Variants in PTPRD observed in about 807,000 individuals in gnomAD.
PTPRD encodes the protein protein tyrosine phosphatase receptor type D, also known as receptor-type tyrosine-protein phosphatase delta.
Under a neutral mutation model 214.5 loss-of-function variants are expected in PTPRD, and 34 were observed. That is an observed-to-expected ratio of 0.16 (90% confidence interval 0.12 to 0.21). PTPRD has a LOEUF of 0.21. PTPRD is among the 10% of genes least tolerant of loss of function. The pLI is 1.00. For synonymous variants in PTPRD, 1,128 were observed against 845.7 expected (o/e 1.33, Z -5.79); for missense variants, 2,545 against 2,398.7 (o/e 1.06, Z -1.27).
chr9:9,248,558 T>A (rs1017147813), intron 9 of PTPRD, among the ~76,000 whole-genome samples: 13 of 152,066 alleles, frequency 8.5e-5, no homozygotes, highest in African/African-American at 3.1e-4. Flanking sequence ...GTCTTAGAGT[T>A]TTAGAGTAAT....
chr9:8,715,434 G>A (rs756091182), intron 12 of PTPRD, among the ~76,000 whole-genome samples: 50 of 152,082 alleles, frequency 3.3e-4, no homozygotes, highest in Non-Finnish European at 6.3e-4. Context: ...ATATGCTGGC[G>A]GGCAGTAGGT....
chr9:8,970,550 C>T (rs539359677), intron 11 of PTPRD, among the ~76,000 whole-genome samples: 7 of 151,608 alleles, frequency 4.6e-5, no homozygotes, highest in Admixed American at 2.0e-4. Flanking sequence ...TTCTATGAGA[C>T]AGCAAAAAGA....
chr9:8,801,388 T>G (rs1251865552), intron 11 of PTPRD, among the ~76,000 whole-genome samples: 1 of 152,180 alleles, frequency 6.6e-6, no homozygotes, highest in Admixed American at 6.5e-5. Context: ...TGAATACATT[T>G]TAATCATTTT....
At chr9:9,847,654 T>C (rs1445814152) in intron 5 of PTPRD, among the ~76,000 whole-genome samples, 2 of 152,130 alleles carry the variant, frequency 1.3e-5, no homozygotes, top group Non-Finnish European at 1.5e-5. Flanking sequence ...TTCCTTCTGT[T>C]TCTGTGGTAG....
intron 3 of PTPRD, among the ~76,000 whole-genome samples, chr9:10,281,555 T>A (rs891424166): frequency 1.3e-5 from 2 of 152,178 alleles, no homozygotes; most frequent in Non-Finnish European, 2.9e-5. Context: ...GCATTTTAAT[T>A]TTTTTACTTT....
intron 2 of PTPRD, among the ~76,000 whole-genome samples, chr9:10,604,973 A>G (rs1383046562): frequency 4.0e-5 from 6 of 151,852 alleles, no homozygotes; most frequent in Admixed American, 2.0e-4. Context: ...CAGGGGGAAT[A>G]AAAAAGGAAA....
intron 3 of PTPRD, among the ~76,000 whole-genome samples, chr9:10,313,991 T>C (rs1211458092): frequency 1.3e-5 from 2 of 151,946 alleles, no homozygotes; most frequent in Non-Finnish European, 2.9e-5. Flanking sequence ...CTTTAAGCTG[T>C]GGAGATTTAA....
At chr9:8,846,864 G>A (rs903870963) in intron 11 of PTPRD, among the ~76,000 whole-genome samples, 3 of 152,124 alleles carry the variant, frequency 2.0e-5, no homozygotes, top group Non-Finnish European at 4.4e-5. Context: ...CAGAAACAGG[G>A]AGCCACTGAA....
chr9:8,887,423 T>C (rs2098500632), intron 11 of PTPRD, among the ~76,000 whole-genome samples: 1 of 152,162 alleles, frequency 6.6e-6, no homozygotes, highest in Non-Finnish European at 1.5e-5. Context: ...AGATCCAAAA[T>C]GATTCAGTCA....
intron 2 of PTPRD, among the ~76,000 whole-genome samples, chr9:10,460,547 A>G (rs545248128): frequency 2.6e-5 from 4 of 152,306 alleles, no homozygotes; most frequent in South Asian, 2.1e-4. Flanking sequence ...GGAAGAGATT[A>G]AAGAGCCCCA....
intron 9 of PTPRD, among the ~76,000 whole-genome samples, chr9:9,269,396 T>C (rs1941795001): frequency 6.6e-6 from 1 of 151,270 alleles, no homozygotes; most frequent in Admixed American, 6.6e-5. Flanking sequence ...TCCTTATGCA[T>C]TGTTGGTAGG....
chr9:9,007,830 TTTTA>T (rs2099486504), intron 11 of PTPRD, among the ~76,000 whole-genome samples: 1 of 149,578 alleles, frequency 6.7e-6, no homozygotes, highest in African/African-American at 2.4e-5. Context: ...AATATATAAT[TTTTA>T]TTTGTCTGTT....
intron 4 of PTPRD, among the ~76,000 whole-genome samples, chr9:9,993,382 G>T (rs996885071): frequency 6.6e-6 from 1 of 152,066 alleles, no homozygotes; most frequent in Non-Finnish European, 1.5e-5. Context: ...TTTTGTAATA[G>T]GCACAAACTG....
At position 8,315,508 on chromosome 9, in the gene PTPRD, C is replaced by CA. The variant is rs1461318328; in HGVS notation, c.*2365dup. The CA allele has an allele frequency of 1.7e-5, 4 of 231,568 alleles. No homozygotes were observed. Among genetic ancestry groups the CA allele is most frequent in the African/African-American group, 8.9e-5 (4 of 45,148 alleles). The allele number at this position is 231,568 out of a possible 1,614,324, so 14.3% of individuals were successfully genotyped here. A position where few individuals can be genotyped will look rare whatever the true frequency, so the allele number is the denominator to read the frequency against. On this transcript the variant is annotated 3_prime_UTR_variant, in exon 46 of 46. Transcript: ENST00000381196. ...GTAATCTGGCACTTGGATAAATCTC[C>CA]AAAAAGATACAAACTAAAAGAAAAT...
chr9:9,110,162 A>G (rs957119527), intron 10 of PTPRD, among the ~76,000 whole-genome samples: 1 of 152,130 alleles, frequency 6.6e-6, no homozygotes, highest in Admixed American at 6.6e-5. Context: ...GGATAGTAGT[A>G]TGTATACTGC....
At chr9:10,251,911 T>C (rs905311419) in intron 3 of PTPRD, among the ~76,000 whole-genome samples, 5 of 152,152 alleles carry the variant, frequency 3.3e-5, no homozygotes, top group African/African-American at 9.7e-5. Context: ...TGGTGATCCA[T>C]TGCAGAGTAA....
At chr9:9,151,804 T>C (rs2099877022) in intron 10 of PTPRD, among the ~76,000 whole-genome samples, 1 of 152,152 alleles carries the variant, frequency 6.6e-6, no homozygotes, top group South Asian at 2.1e-4. Context: ...CACAATGTGA[T>C]ATAAAGAGGC....
intron 4 of PTPRD, among the ~76,000 whole-genome samples, chr9:9,963,334 C>A (rs1172501698): frequency 6.6e-6 from 1 of 152,058 alleles, no homozygotes; most frequent in East Asian, 1.9e-4. Flanking sequence ...CTCAATAGAT[C>A]CCTGTAAGTC....
intron 5 of PTPRD, among the ~76,000 whole-genome samples, chr9:9,932,225 G>C (rs1349184856): frequency 1.3e-5 from 2 of 151,262 alleles, no homozygotes; most frequent in Non-Finnish European, 2.9e-5. Context: ...AAGCTGGATG[G>C]AGAATAACTT....
Sources: allele counts gnomAD v4.1 joint callset (sites outside exome capture counted in the v4.1 genomes callset), GRCh38; gene constraint gnomAD v4.1.1; transcripts MANE v1.5; gene names NCBI Gene and HGNC (gene_info 2026-07-23, HGNC 2026-07-21).